The following SH3BP5 variants were observed in gnomAD, a reference collection of about 807,000 sequenced individuals.
SH3BP5 encodes the protein SH3 domain-binding protein 5.
In SH3BP5, 22 loss-of-function variants were observed where a neutral mutation model predicts 43.3. The observed-to-expected ratio is 0.51, with a 90% CI of 0.36 to 0.73. The LOEUF is 0.73. SH3BP5 is among the 30% of genes least tolerant of loss of function. The pLI is 0.00. For missense variants in SH3BP5, 529 were observed against 586.9 expected, an observed-to-expected ratio of 0.90 and a Z score of 1.02; for synonymous variants, 255 against 225.8, an observed-to-expected ratio of 1.13 and a Z score of -1.16.
At chr3:15,274,784 G>A (rs925120185) in intron 3 of SH3BP5, among the ~76,000 whole-genome samples, 2 of 152,324 alleles carry the variant, frequency 1.3e-5, no homozygotes, top group Middle Eastern at 3.4e-3. Flanking sequence ...GACCTCAGAT[G>A]ATCTACCTGC....
rs1261620246 is a variant in SH3BP5, at chr3:15,295,245, C to G, written c.330+8858G>C. ...CACAGCTTCCGTATTTGTGAATTTG[C>G]CTACTTACTAAGCTTTATTTGTAAC... On this transcript the variant is annotated intron_variant, in intron 3 of 8. Transcript: ENST00000383791. Among the ~76,000 whole-genome samples the G allele has an allele frequency of 2.6e-5, 4 of 152,314 alleles. No individual in the cohort carries two copies. In the East Asian group the frequency reaches 5.8e-4, roughly 22 times the overall value.
At chr3:15,328,064 TGTATTATATTTCTATGA>T (rs1173520088) in intron 2 of SH3BP5, among the ~76,000 whole-genome samples, 1 of 152,186 alleles carries the variant, frequency 6.6e-6, no homozygotes, top group African/African-American at 2.4e-5. Context: ...TTATGTAGCC[TGTATTATATTTCTATGA>T]GTCAGTCTTG....
intron 3 of SH3BP5, among the ~76,000 whole-genome samples, chr3:15,271,849 G>T (rs986497442): frequency 4.6e-5 from 7 of 152,122 alleles, no homozygotes; most frequent in East Asian, 1.9e-4. Flanking sequence ...GACTGCATGA[G>T]AAATCAGCAC....
intron 3 of SH3BP5, among the ~76,000 whole-genome samples, chr3:15,281,188 G>C (rs941674150): frequency 3.3e-5 from 5 of 152,262 alleles, no homozygotes; most frequent in African/African-American, 4.8e-5. Flanking sequence ...TATAGCTATA[G>C]CTAATTTTTG....
chr3:15,321,553 C>T (rs1031809184), intron 2 of SH3BP5, among the ~76,000 whole-genome samples: 1 of 151,818 alleles, frequency 6.6e-6, no homozygotes, highest in Non-Finnish European at 1.5e-5. Context: ...TTCCCCACCC[C>T]CATCCCATGA....
At position 15,256,935 on chromosome 3, in the gene SH3BP5, T is replaced by G. The variant is rs1177071379; in HGVS notation, c.1068A>C (p.Ser356=). Residue 356 remains serine (S), a synonymous_variant, in exon 8 of 9, where the codon TCA becomes TCC. Coordinates refer to ENST00000383791, the MANE Select transcript of SH3BP5 (RefSeq NM_004844.5). ...SLDLPSPVSL[S]EFGMMFPVLG... is the part of the protein sequence containing the mutation. ...ACACTGGGAACATCATCCCAAACTCTGACAGGGACACAGGGCTGGGCAGAT... is the reference window on the plus strand; with the variant it reads ...ACACTGGGAACATCATCCCAAACTCGGACAGGGACACAGGGCTGGGCAGAT... 1.9e-6 allele frequency: 3 copies of G among 1,614,112 alleles called. No individual in the cohort carries two copies. The highest frequency in any genetic ancestry group is 1.1e-5 in the South Asian group (1 of 91,082).
At chr3:15,332,195 T>A (rs1486735968) in intron 1 of SH3BP5, 76 bp downstream of exon 1, 7 of 1,538,398 alleles carry the variant, frequency 4.6e-6, no homozygotes, top group Non-Finnish European at 6.1e-6. Context: ...GGCTGCGAAG[T>A]GGCTGTACGC....
chr3:15,334,169 C>T (rs1698672695), upstream of SH3BP5, among the ~76,000 whole-genome samples: 1 of 152,220 alleles, frequency 6.6e-6, no homozygotes. Flanking sequence ...AGGTCAAGAG[C>T]AAAATACATC....
upstream of SH3BP5, among the ~76,000 whole-genome samples, chr3:15,337,107 T>TG (rs1698710193): frequency 1.3e-5 from 2 of 149,042 alleles, no homozygotes; most frequent in Admixed American, 1.3e-4. Flanking sequence ...TTTTTTTTTT[T>TG]GGGACAGAGT....
At chr3:15,272,716 G>A (rs916727378) in intron 3 of SH3BP5, among the ~76,000 whole-genome samples, 1 of 151,824 alleles carries the variant, frequency 6.6e-6, no homozygotes, top group African/African-American at 2.4e-5. Flanking sequence ...CAGAGTGCCT[G>A]TAGGAGATTC....
At chr3:15,315,206 GC>G (rs1698155651) in intron 2 of SH3BP5, among the ~76,000 whole-genome samples, 1 of 150,746 alleles carries the variant, frequency 6.6e-6, no homozygotes, top group Non-Finnish European at 1.5e-5. Context: ...ACTGCCCAGG[GC>G]CAACTGAAAC....
intron 4 of SH3BP5, among the ~76,000 whole-genome samples, chr3:15,265,559 C>CACACACACACACAT (rs1285577992): frequency 7.0e-6 from 1 of 142,820 alleles, no homozygotes; most frequent in Non-Finnish European, 1.6e-5. Flanking sequence ...CACACACACA[C>CACACACACACACAT]AACCCTCCAG....
chr3:15,317,761 G>A (rs180799289), intron 2 of SH3BP5, among the ~76,000 whole-genome samples: 84 of 152,240 alleles, frequency 5.5e-4, no homozygotes, highest in African/African-American at 2.0e-3. Flanking sequence ...AACAATATCA[G>A]GGCTGGAAAA....
intron 1 of SH3BP5, among the ~76,000 whole-genome samples, chr3:15,331,083 A>T (rs1404842391): frequency 6.6e-6 from 1 of 152,212 alleles, no homozygotes; most frequent in Non-Finnish European, 1.5e-5. Context: ...GACGTTTTAA[A>T]CTAGCTTTAA....
At chr3:15,257,402 T>A (rs1696251861) in intron 7 of SH3BP5, 1 of 340,166 alleles carries the variant, frequency 2.9e-6, no homozygotes, top group East Asian at 5.7e-5. Flanking sequence ...AATGGAAGAT[T>A]AATTCAGCCA....
At chr3:15,315,976 A>T (rs1459549273) in intron 2 of SH3BP5, among the ~76,000 whole-genome samples, 2 of 152,196 alleles carry the variant, frequency 1.3e-5, no homozygotes, top group East Asian at 3.9e-4. Flanking sequence ...GAAAATTAAC[A>T]TTGGTACAAC....
chr3:15,256,428 C>T (rs1468397778), intron 8 of SH3BP5, 125 bp from the exon 9 acceptor site: 21 of 1,018,604 alleles, frequency 2.1e-5, no homozygotes, highest in Non-Finnish European at 2.8e-5. Context: ...AACCAGTCAG[C>T]TAACTCAGCC....
intron 3 of SH3BP5, among the ~76,000 whole-genome samples, chr3:15,270,733 C>T (rs1696773375): frequency 6.6e-6 from 1 of 152,058 alleles, no homozygotes; most frequent in Non-Finnish European, 1.5e-5. Flanking sequence ...AAAGACCAGC[C>T]TGGTCAACAT....
chr3:15,264,217 C>CT (rs1246814373), intron 4 of SH3BP5: 2 of 151,756 alleles, frequency 1.3e-5, no homozygotes, highest in Non-Finnish European at 2.9e-5. Context: ...CTATCTCTGA[C>CT]TTTGTCTTGA....
Sources: gnomAD v4.1 joint callset for allele counts (sites outside exome capture counted in the v4.1 genomes callset) on GRCh38, gnomAD v4.1.1 for gene constraint, MANE v1.5 for transcripts, NCBI Gene and HGNC (gene_info 2026-07-23, HGNC 2026-07-21) for gene names.